TNRC6B: variants seen among roughly 807,000 people sequenced by gnomAD.
TNRC6B encodes trinucleotide repeat containing adaptor 6B.
In TNRC6B, 52 loss-of-function variants were observed where a neutral mutation model predicts 203.6. The observed-to-expected ratio is 0.26, with a 90% CI of 0.20 to 0.32. TNRC6B has a LOEUF of 0.32. Ranked by LOEUF, TNRC6B falls within the 10% of genes least tolerant of loss-of-function variation. The pLI, the probability that TNRC6B is intolerant of heterozygous loss-of-function variation, is 1.00. For missense variants in TNRC6B, 1,923 were observed against 2,286.2 expected, an observed-to-expected ratio of 0.84 and a Z score of 3.24; for synonymous variants, 838 against 845.7, an observed-to-expected ratio of 0.99 and a Z score of 0.16.
chr22:40,306,302 A>G (rs1344630193), intron 15 of TNRC6B, among the ~76,000 whole-genome samples: 2 of 152,004 alleles, frequency 1.3e-5, no homozygotes, highest in Non-Finnish European at 2.9e-5. Context: ...AAAAAAAGAA[A>G]AGAAAGAAAA....
rs763332291 is a variant in TNRC6B, at chr22:40,265,035, C to A, written c.805C>A (p.Gln269Lys). 11 of 1,613,956 alleles carry A rather than the reference C, an allele frequency of 6.8e-6. No homozygotes were observed. In the Admixed American group the frequency reaches 1.7e-4, roughly 24 times the overall value. Residue 269 changes from glutamine (Q) to lysine (K), a missense_variant, in exon 5 of 23, where the codon CAA becomes AAA. Around this residue, in one of 8 missense-constraint regions of TNRC6B, gnomAD observed 614 missense variants for 587.7 expected, o/e 1.04. Transcript: ENST00000454349. ...ATCTGACCCTAAGGCTAAATCTGTT[C>A]AATCTTCCAACTCTACTACAGAGAA... ...WKSDPKAKSV[Q>K]SSNSTTENNN...
chr22:40,246,132 T>C, intron 2 of TNRC6B, 30 bp downstream of exon 2: 1 of 1,483,780 alleles, frequency 6.7e-7, no homozygotes, highest in Non-Finnish European at 9.1e-7. Flanking sequence ...TCTGTCTTTT[T>C]ATCTGCTAGG....
chr22:40,214,779 C>G (rs1236390925), intron 1 of TNRC6B, among the ~76,000 whole-genome samples: 2 of 152,166 alleles, frequency 1.3e-5, no homozygotes, highest in African/African-American at 2.4e-5. Flanking sequence ...GTCTCAAACT[C>G]TTGGCCTCAA....
chr22:40,144,850 A>C (rs1172838193), intron 3 of TNRC6B, among the ~76,000 whole-genome samples: 1 of 152,042 alleles, frequency 6.6e-6, no homozygotes, highest in Non-Finnish European at 1.5e-5. Flanking sequence ...GGCGATCTTC[A>C]AGGGAAGGGG....
intron 4 of TNRC6B, among the ~76,000 whole-genome samples, chr22:40,167,668 C>T (rs1033579136): frequency 7.8e-6 from 1 of 128,732 alleles, no homozygotes; most frequent in Non-Finnish European, 1.6e-5. Context: ...TTGTTTGAAC[C>T]CAAAAATTGA....
intron 1 of TNRC6B, among the ~76,000 whole-genome samples, chr22:40,189,578 G>A (rs1389584474): frequency 1.3e-5 from 2 of 151,524 alleles, no homozygotes; most frequent in African/African-American, 2.4e-5. Flanking sequence ...ATTTCTTAAC[G>A]TCTTTAGGGT....
chr22:40,075,642 A>C (rs1426508654), intron 1 of TNRC6B, among the ~76,000 whole-genome samples: 1 of 151,924 alleles, frequency 6.6e-6, no homozygotes, highest in Non-Finnish European at 1.5e-5. Flanking sequence ...GGTTGGGTTT[A>C]AGTTTATCAT....
At chr22:40,253,241 C>A (rs550946878) in intron 3 of TNRC6B, among the ~76,000 whole-genome samples, 2 of 151,150 alleles carry the variant, frequency 1.3e-5, no homozygotes, top group South Asian at 4.2e-4. Flanking sequence ...GCCACCATGC[C>A]CGGCTAATTT....
At chr22:40,299,102 G>T (rs185829458) in intron 12 of TNRC6B, among the ~76,000 whole-genome samples, 2 of 142,042 alleles carry the variant, frequency 1.4e-5, no homozygotes, top group Admixed American at 7.4e-5. Context: ...CCATGATCAC[G>T]CCACTGCATT....
At chr22:40,167,811 A>G (rs60553412) in intron 4 of TNRC6B, among the ~76,000 whole-genome samples, 16,814 of 150,948 alleles carry the variant, frequency 0.11, 1,016 homozygotes, top group South Asian at 0.15. Context: ...TGAATCTGGC[A>G]GTTTGAGGCT....
chr22:40,207,270 C>T (rs1259897677), intron 1 of TNRC6B, among the ~76,000 whole-genome samples: 1 of 151,932 alleles, frequency 6.6e-6, no homozygotes, highest in Middle Eastern at 3.2e-3. Context: ...TGGCTGGGCG[C>T]TGTGGCTCAC....
intron 2 of TNRC6B, among the ~76,000 whole-genome samples, chr22:40,246,597 T>C (rs1045185843): frequency 6.6e-6 from 1 of 152,244 alleles, no homozygotes; most frequent in African/African-American, 2.4e-5. Context: ...ATAAAGTAGA[T>C]GTTAAATAAT....
intron 3 of TNRC6B, chr22:40,253,502 C>A: frequency 2.2e-6 from 1 of 449,146 alleles, no homozygotes; most frequent in Non-Finnish European, 4.4e-6. Context: ...TACTCACCAC[C>A]AAATTTTTTT....
chr22:40,200,256 A>G (rs2069392516), intron 1 of TNRC6B, among the ~76,000 whole-genome samples: 1 of 149,908 alleles, frequency 6.7e-6, no homozygotes, highest in Non-Finnish European at 1.5e-5. Context: ...CAAAATTTTA[A>G]AATAATTTAA....
chr22:40,107,634 T>G (rs1304848964), intron 1 of TNRC6B, among the ~76,000 whole-genome samples: 1 of 151,838 alleles, frequency 6.6e-6, no homozygotes, highest in African/African-American at 2.4e-5. Flanking sequence ...AAAATACTGT[T>G]AGACAAATTT....
intron 1 of TNRC6B, among the ~76,000 whole-genome samples, chr22:40,069,548 C>T (rs1161693187): frequency 6.7e-6 from 1 of 148,898 alleles, no homozygotes; most frequent in Non-Finnish European, 1.5e-5. Flanking sequence ...AGTGCAATGG[C>T]GTGATCTCGG....
At chr22:40,214,113 A>AT (rs2069600652) in intron 1 of TNRC6B, among the ~76,000 whole-genome samples, 1 of 152,062 alleles carries the variant, frequency 6.6e-6, no homozygotes, top group South Asian at 2.1e-4. Flanking sequence ...TAAAAAATAT[A>AT]AAAACTAGCC....
chr22:40,133,280 TATC>T (rs932740740), intron 3 of TNRC6B, among the ~76,000 whole-genome samples: 2 of 152,144 alleles, frequency 1.3e-5, no homozygotes, highest in Non-Finnish European at 2.9e-5. Flanking sequence ...TGTTTATTTG[TATC>T]ATCTCTTCTT....
chr22:40,199,344 C>A (rs572568278), intron 1 of TNRC6B, among the ~76,000 whole-genome samples: 3 of 152,218 alleles, frequency 2.0e-5, no homozygotes, highest in East Asian at 3.9e-4. Context: ...AATGGAGAGG[C>A]CTGGCAGATG....
Sources: allele counts gnomAD v4.1 joint callset (sites outside exome capture counted in the v4.1 genomes callset), GRCh38; gene constraint gnomAD v4.1.1; regional missense constraint gnomAD v4.1.1; transcripts MANE v1.5; gene names NCBI Gene and HGNC (gene_info 2026-07-23, HGNC 2026-07-21).